ZNF536: variants seen among roughly 807,000 people sequenced by gnomAD.
The protein encoded by ZNF536 is zinc finger protein 536.
Under a neutral mutation model 84.5 loss-of-function variants are expected in ZNF536, and 13 were observed. The ratio of observed to expected loss-of-function variants is 0.15; its 90% confidence interval spans 0.10 to 0.24. ZNF536 has a LOEUF of 0.24. Among genes scored for constraint, ZNF536 ranks in the 10% least tolerant of loss-of-function variants. The pLI is 1.00. For missense variants in ZNF536, 1,536 were observed against 1,747.5 expected, an observed-to-expected ratio of 0.88 and a Z score of 2.16; for synonymous variants, 811 against 742.5, an observed-to-expected ratio of 1.09 and a Z score of -1.50.
intron 1 of ZNF536, among the ~76,000 whole-genome samples, chr19:30,708,639 C>A (rs2052344264): frequency 6.6e-6 from 1 of 152,166 alleles, no homozygotes; most frequent in South Asian, 2.1e-4. Flanking sequence ...CTGAAGTCAG[C>A]ATTGCAAAGG....
chr19:30,392,172 C>G (rs1008149956), intron 1 of ZNF536, among the ~76,000 whole-genome samples: 24 of 152,050 alleles, frequency 1.6e-4, no homozygotes, highest in African/African-American at 5.8e-4. Flanking sequence ...TCAGCCACAC[C>G]CTTTCCCTTG....
At chr19:30,341,534 C>T (rs1568344698) in intron 2 of ZNF536, among the ~76,000 whole-genome samples, 1 of 152,174 alleles carries the variant, frequency 6.6e-6, no homozygotes, top group Non-Finnish European at 1.5e-5. Flanking sequence ...CCCCATTGGT[C>T]CCTTGCTATT....
At chr19:30,336,465 A>G (rs2047387983) in intron 2 of ZNF536, among the ~76,000 whole-genome samples, 1 of 152,224 alleles carries the variant, frequency 6.6e-6, no homozygotes, top group South Asian at 2.1e-4. Context: ...GAGGGATTGC[A>G]TAAACAATTG....
At chr19:30,638,311 A>G (rs908940109) in intron 1 of ZNF536, among the ~76,000 whole-genome samples, 1 of 152,310 alleles carries the variant, frequency 6.6e-6, no homozygotes, top group Admixed American at 6.5e-5. Flanking sequence ...ATAAGTACCT[A>G]AGACTGGGTA....
At chr19:30,363,334 T>C (rs1175630242) in intron 3 of ZNF536, among the ~76,000 whole-genome samples, 1 of 152,178 alleles carries the variant, frequency 6.6e-6, no homozygotes, top group Non-Finnish European at 1.5e-5. Context: ...TTGTGACCCC[T>C]TGAGTTTTCT....
intron 2 of ZNF536, among the ~76,000 whole-genome samples, chr19:30,489,687 C>T (rs185078916): frequency 9.5e-4 from 144 of 152,056 alleles, no homozygotes; most frequent in African/African-American, 3.1e-3. Flanking sequence ...TGTTTATATT[C>T]GAATAATACT....
intron 1 of ZNF536, among the ~76,000 whole-genome samples, chr19:30,635,775 G>C (rs143517400): frequency 6.6e-6 from 1 of 152,198 alleles, no homozygotes; most frequent in South Asian, 2.1e-4. Context: ...ATTTCATTAC[G>C]CGACAGCAGA....
intron 2 of ZNF536, among the ~76,000 whole-genome samples, chr19:30,317,399 C>T (rs2046715469): frequency 6.6e-6 from 1 of 152,224 alleles, no homozygotes; most frequent in Non-Finnish European, 1.5e-5. Context: ...GAGTTCAGGG[C>T]AGACACATGG....
At chr19:30,255,499 A>G (rs1049948410) in intron 1 of ZNF536, among the ~76,000 whole-genome samples, 2 of 152,176 alleles carry the variant, frequency 1.3e-5, no homozygotes, top group African/African-American at 2.4e-5. Flanking sequence ...AATTTGTAAA[A>G]GGCGTCTTTT....
intron 2 of ZNF536, among the ~76,000 whole-genome samples, chr19:30,485,183 TAAATA>T (rs1318667262): frequency 2.6e-5 from 4 of 151,748 alleles, no homozygotes; most frequent in Admixed American, 1.3e-4. Context: ...CATAAATACA[TAAATA>T]AAATAAAATA....
At chr19:30,552,499 A>G (rs889465080) in intron 4 of ZNF536, among the ~76,000 whole-genome samples, 10 of 152,254 alleles carry the variant, frequency 6.6e-5, no homozygotes, top group African/African-American at 2.2e-4. Flanking sequence ...TAAACTCCCC[A>G]CAGATCTCAG....
At chr19:30,636,735 G>A (rs1346787219) in intron 1 of ZNF536, among the ~76,000 whole-genome samples, 1 of 152,140 alleles carries the variant, frequency 6.6e-6, no homozygotes, top group Non-Finnish European at 1.5e-5. Flanking sequence ...ATGTTTCAAT[G>A]TCATACTCCT....
intron 1 of ZNF536, among the ~76,000 whole-genome samples, chr19:30,626,455 A>G (rs186166095): frequency 6.6e-6 from 1 of 152,258 alleles, no homozygotes; most frequent in African/African-American, 2.4e-5. Flanking sequence ...ATGGGGATAC[A>G]AGCTGTTCGT....
At chr19:30,484,525 C>T (rs566626095) in intron 2 of ZNF536, among the ~76,000 whole-genome samples, 33 of 151,726 alleles carry the variant, frequency 2.2e-4, no homozygotes, top group African/African-American at 4.6e-4. Flanking sequence ...CGTGAGCCAC[C>T]GCATGCAGCC....
At chr19:30,370,756 T>C (rs2048585296), upstream of ZNF536, among the ~76,000 whole-genome samples, 2 of 152,154 alleles carry the variant, frequency 1.3e-5, no homozygotes, top group Non-Finnish European at 2.9e-5. Flanking sequence ...TGTAAAAAAA[T>C]GATTAATCAG....
At chr19:30,602,377 G>A (rs1189201973) in intron 1 of ZNF536, among the ~76,000 whole-genome samples, 5 of 152,348 alleles carry the variant, frequency 3.3e-5, no homozygotes, top group South Asian at 2.1e-4. Context: ...AGATGAAGTT[G>A]CTACTTTTGT....
intron 3 of ZNF536, among the ~76,000 whole-genome samples, chr19:30,543,430 T>TGTACCATGGGGCTGCCC (rs1185163689): frequency 1.3e-5 from 2 of 152,204 alleles, no homozygotes; most frequent in African/African-American, 4.8e-5. Flanking sequence ...TGGGGCTGCC[T>TGTACCATGGGGCTGCCC]GTACCATGGG....
intron 1 of ZNF536, among the ~76,000 whole-genome samples, chr19:30,572,569 G>T (rs138088039): frequency 6.6e-6 from 1 of 152,232 alleles, no homozygotes; most frequent in Non-Finnish European, 1.5e-5. Context: ...TGGGGAAGGT[G>T]CATGGTTACT....
chr19:30,666,832 G>GTGTGTATATA (rs71333464), intron 1 of ZNF536, among the ~76,000 whole-genome samples: 30 of 149,106 alleles, frequency 2.0e-4, no homozygotes, highest in African/African-American at 7.4e-4. Flanking sequence ...GTGTGTGTGT[G>GTGTGTATATA]TATATATATA....
Sources: gnomAD v4.1 joint callset for allele counts (sites outside exome capture counted in the v4.1 genomes callset) on GRCh38, gnomAD v4.1.1 for gene constraint, MANE v1.5 for transcripts, NCBI Gene and HGNC (gene_info 2026-07-23, HGNC 2026-07-21) for gene names.